FHOD3: variants seen among roughly 807,000 people sequenced by gnomAD.
The protein encoded by FHOD3 is formin homology 2 domain containing 3, also known as FH1/FH2 domain-containing protein 3.
A neutral mutation model predicts 173.0 loss-of-function variants in FHOD3; 90 were observed. The ratio of observed to expected loss-of-function variants is 0.52; its 90% CI spans 0.44 to 0.62. FHOD3 has a LOEUF of 0.62. Ranked by LOEUF, FHOD3 falls within the 20% of genes least tolerant of loss-of-function variation. FHOD3 has a pLI of 0.00. For synonymous variants in FHOD3, 828 were observed against 823.0 expected (o/e 1.01, Z -0.10); for missense variants, 1,945 against 2,034.7 (o/e 0.96, Z 0.85).
At chr18:36,371,789 T>C (rs2047204078) in intron 2 of FHOD3, among the ~76,000 whole-genome samples, 1 of 152,144 alleles carries the variant, frequency 6.6e-6, no homozygotes, top group Non-Finnish European at 1.5e-5. Flanking sequence ...GATTCTGTTA[T>C]ACATTAAGCC....
intron 3 of FHOD3, among the ~76,000 whole-genome samples, chr18:36,493,213 C>CTTTTTTTTTTTTT (rs60189688): frequency 2.2e-5 from 3 of 138,150 alleles, no homozygotes; most frequent in Non-Finnish European, 3.1e-5. Context: ...TTTTCTTTTT[C>CTTTTTTTTTTTTT]TTTTTTTTTT....
At chr18:36,656,897 T>C (rs1215340540) in intron 13 of FHOD3, among the ~76,000 whole-genome samples, 1 of 152,206 alleles carries the variant, frequency 6.6e-6, no homozygotes, top group Non-Finnish European at 1.5e-5. Context: ...AATGTTCCAC[T>C]ATTTGCAGGA....
intron 1 of FHOD3, among the ~76,000 whole-genome samples, chr18:36,318,822 T>C (rs1245942): frequency 0.78 from 118,030 of 152,118 alleles, 46,109 homozygotes; most frequent in African/African-American, 0.85. Flanking sequence ...GGAATGCTTC[T>C]AGTTTTTGCC....
intron 3 of FHOD3, among the ~76,000 whole-genome samples, chr18:36,464,503 C>T (rs2052784851): frequency 6.6e-6 from 1 of 152,124 alleles, no homozygotes; most frequent in African/African-American, 2.4e-5. Context: ...GGATTGGCTC[C>T]TGTGGAGTGA....
chr18:36,708,540 C>A (rs1304946327), intron 17 of FHOD3, among the ~76,000 whole-genome samples: 1 of 152,330 alleles, frequency 6.6e-6, no homozygotes, highest in East Asian at 1.9e-4. Flanking sequence ...AGCTCTTGAC[C>A]TTGCCTGTCC....
chr18:36,425,227 C>T lies in FHOD3; in HGVS notation c.337+52483C>T, dbSNP rs188270888. Among the ~76,000 whole-genome samples, 136 of 151,930 alleles carry T rather than the reference C, an allele frequency of 9.0e-4. 1 individual carries two copies. The highest frequency in any genetic ancestry group is 3.2e-3 in the African/African-American group (131 of 41,372). On this transcript the variant is annotated intron_variant, in intron 3 of 28. Transcript: ENST00000590592. ...ATTGTTGCTAATCTCTTATTGTGCCCGACTTATAAATTAAACTTTATCATA... is the reference window on the plus strand; with the variant it reads ...ATTGTTGCTAATCTCTTATTGTGCCTGACTTATAAATTAAACTTTATCATA...
chr18:36,371,768 A>C (rs980838467), intron 2 of FHOD3, among the ~76,000 whole-genome samples: 4 of 152,114 alleles, frequency 2.6e-5, no homozygotes, highest in African/African-American at 9.7e-5. Flanking sequence ...GGAGGCAGGA[A>C]AGCACTGCCA....
intron 16 of FHOD3, among the ~76,000 whole-genome samples, chr18:36,689,471 A>G (rs2038827510): frequency 1.3e-5 from 2 of 152,214 alleles, no homozygotes; most frequent in Non-Finnish European, 2.9e-5. Flanking sequence ...TACATGTTAT[A>G]TTATTTCATA....
At chr18:36,326,889 G>A (rs1390940422) in intron 1 of FHOD3, among the ~76,000 whole-genome samples, 1 of 152,216 alleles carries the variant, frequency 6.6e-6, no homozygotes, top group Non-Finnish European at 1.5e-5. Context: ...ACCAGGAGCA[G>A]ATACCCAGCC....
intron 18 of FHOD3, among the ~76,000 whole-genome samples, chr18:36,712,019 C>T (rs1257307366): frequency 2.6e-5 from 4 of 152,208 alleles, no homozygotes; most frequent in Non-Finnish European, 5.9e-5. Context: ...CACTGACGTT[C>T]TACCCTCCTC....
At chr18:36,415,011 G>A (rs1288524502) in intron 3 of FHOD3, among the ~76,000 whole-genome samples, 1 of 152,216 alleles carries the variant, frequency 6.6e-6, no homozygotes, top group African/African-American at 2.4e-5. Context: ...GGAGGGGGCA[G>A]TGAGTTTGGG....
chr18:36,580,864 G>C (rs1022446272), intron 6 of FHOD3, among the ~76,000 whole-genome samples: 1 of 152,204 alleles, frequency 6.6e-6, no homozygotes, highest in African/African-American at 2.4e-5. Flanking sequence ...TTTTGACAAA[G>C]AGTCAGATTT....
At chr18:36,503,610 C>T (rs371630949) in intron 4 of FHOD3, among the ~76,000 whole-genome samples, 3 of 152,204 alleles carry the variant, frequency 2.0e-5, no homozygotes, top group South Asian at 2.1e-4. Context: ...CTGCATACCT[C>T]GGAAATGCCT....
intron 1 of FHOD3, among the ~76,000 whole-genome samples, chr18:36,320,055 C>A (rs977423703): frequency 2.0e-5 from 3 of 151,796 alleles, no homozygotes; most frequent in Non-Finnish European, 4.4e-5. Flanking sequence ...AAATTGACAC[C>A]CTAATGTCAC....
At chr18:36,694,872 G>A (rs940101153) in intron 17 of FHOD3, among the ~76,000 whole-genome samples, 5 of 152,042 alleles carry the variant, frequency 3.3e-5, no homozygotes, top group African/African-American at 7.2e-5. Context: ...AATTTCTTAC[G>A]TATTTGATTG....
chr18:36,591,075 T>G (rs569211408), intron 6 of FHOD3, among the ~76,000 whole-genome samples: 5 of 152,292 alleles, frequency 3.3e-5, no homozygotes, highest in African/African-American at 1.2e-4. Flanking sequence ...ACTTGCTAGG[T>G]CTTTTTATTT....
In FHOD3 at chr18:36,611,961, G is replaced by C. The variant is rs760231456; in HGVS notation, c.823G>C (p.Gly275Arg). The change falls in exon 9 of 29, where the codon GGA (glycine) becomes CGA (arginine). Residue 275 changes from glycine to arginine, a missense_variant. Gly to Arg is a moderately radical substitution (Grantham distance 125). Coordinates refer to ENST00000590592, the MANE Select transcript of FHOD3 (RefSeq NM_001281740.3). ...AMTLVNKTLS[G>R]LPDQDTFYDV... ...TCTTCTCTTCTTCCAGACGTTATCA[G>C]GACTACCAGACCAAGACACCTTCTA... The C allele has an allele frequency of 6.2e-7, 1 of 1,613,834 alleles. No homozygotes were observed. Among genetic ancestry groups the C allele is most frequent in the Non-Finnish European group, 8.5e-7 (1 of 1,179,900 alleles).
intron 1 of FHOD3, among the ~76,000 whole-genome samples, chr18:36,301,941 G>C (rs1452809340): frequency 6.6e-6 from 1 of 152,170 alleles, no homozygotes; most frequent in Non-Finnish European, 1.5e-5. Flanking sequence ...TAGCTGTCAT[G>C]TCCTAGGCAT....
At chr18:36,742,893 T>C in intron 22 of FHOD3, 37 bp downstream of exon 22, 6 of 1,591,122 alleles carry the variant, frequency 3.8e-6, no homozygotes, top group Non-Finnish European at 5.1e-6. Flanking sequence ...TAGCCCCCCC[T>C]TGTCACAAAA....
Sources: gnomAD v4.1 joint callset for allele counts (sites outside exome capture counted in the v4.1 genomes callset) on GRCh38, gnomAD v4.1.1 for gene constraint, MANE v1.5 for transcripts, NCBI Gene and HGNC (gene_info 2026-07-23, HGNC 2026-07-21) for gene names.